The following TLCD4 variants were observed in gnomAD, a reference collection of about 807,000 sequenced individuals.
TLCD4 encodes the protein TLC domain containing 4, also known as TLC domain-containing protein 4.
TLCD4 carries 7 observed loss-of-function variants against 24.2 expected under a neutral mutation model. The observed-to-expected ratio is 0.29, with a 90% confidence interval of 0.16 to 0.54. The LOEUF is 0.54. Among genes scored for constraint, TLCD4 ranks in the 20% least tolerant of loss-of-function variants. The pLI, the probability that TLCD4 is intolerant of heterozygous loss-of-function variation, is 0.95. For missense variants in TLCD4, 259 were observed against 313.9 expected (o/e 0.82, Z 1.32); for synonymous variants, 103 against 106.4 (o/e 0.97, Z 0.20).
Position 95,187,239 on chromosome 1 carries a change from T to TA in TLCD4, c.474-4309dup, listed in dbSNP as rs553210137. Among the ~76,000 whole-genome samples, 41 of 152,358 alleles carry TA rather than the reference T, an allele frequency of 2.7e-4. No homozygotes were observed. The South Asian group carries it at 2.9e-3, about 11-fold the overall frequency. On this transcript the variant is annotated intron_variant, in intron 6 of 6. Coordinates refer to ENST00000370203, the MANE Select transcript of TLCD4 (RefSeq NM_152487.3). ...GTCATAGATCAGTGGGTGCAGTTGTTAACAATTAGCGAGCCAGTGTTAATA... is the reference window on the plus strand; with the variant it reads ...GTCATAGATCAGTGGGTGCAGTTGTTAAACAATTAGCGAGCCAGTGTTAATA...
At chr1:95,132,456 C>CAAAAAA (rs34887671) in intron 1 of TLCD4, among the ~76,000 whole-genome samples, 3 of 72,474 alleles carry the variant, frequency 4.1e-5, no homozygotes, top group Non-Finnish European at 5.5e-5. Flanking sequence ...GACTCCAACT[C>CAAAAAA]AAAAAAAAAA....
chr1:95,101,062 T>C, the TLCD4 span, among the ~76,000 whole-genome samples: 2 of 151,848 alleles, frequency 1.3e-5, no homozygotes, highest in African/African-American at 4.8e-5. Flanking sequence ...CGCCCGCCAA[T>C]GTGCCCGGCT....
intron 5 of TLCD4, among the ~76,000 whole-genome samples, chr1:95,158,647 G>C (rs1268885923): frequency 1.3e-5 from 2 of 150,990 alleles, no homozygotes; most frequent in Non-Finnish European, 3.0e-5. Context: ...TCCTAATGCT[G>C]TCCGTCCCCC....
intron 6 of TLCD4, among the ~76,000 whole-genome samples, chr1:95,178,705 C>T (rs370664239): frequency 2.0e-5 from 3 of 151,026 alleles, no homozygotes; most frequent in East Asian, 2.0e-4. Context: ...GTTTTGGAAT[C>T]GGATAAACTC....
In TLCD4 at chr1:95,178,074, C is replaced by T. The variant is rs552823063; in HGVS notation, c.473+4185C>T. 5.3e-5 allele frequency among the ~76,000 whole-genome samples: 8 copies of T among 151,710 alleles called. No individual in the cohort carries two copies. The East Asian group carries it at 1.5e-3, about 29-fold the overall frequency. ...CAGGCAATTCTCCTGCCTCAGCTTC[C>T]CGAGTAGCTGGGACTTCAGGCGCAT... On this transcript the variant is annotated intron_variant, in intron 6 of 6. Coordinates refer to ENST00000370203, the MANE Select transcript of TLCD4 (RefSeq NM_152487.3).
chr1:95,134,938 TTCTG>T lies in TLCD4; in HGVS notation c.-11-8949_-11-8946del, dbSNP rs1236397472. ...CATGCCAGGCTAGTACTGTTGATAT[TTCTG>T]TCTTACAGATGAGGAAACTGAGGTT... On this transcript the variant is annotated intron_variant, in intron 1 of 6. Transcript: ENST00000370203. Among the ~76,000 whole-genome samples the T allele has an allele frequency of 3.3e-5, 5 of 152,164 alleles. No homozygotes were observed. In the South Asian group the frequency reaches 6.2e-4, roughly 19 times the overall value.
Position 95,151,414 on chromosome 1 carries a change from G to A in TLCD4, c.394G>A (p.Val132Ile), listed in dbSNP as rs770833359. The change falls in exon 5 of 7, where the codon GTA becomes ATA. Residue 132 changes from valine to isoleucine, a missense_variant. Val to Ile is a conservative substitution (Grantham distance 29). Transcript: ENST00000370203. ...TGCGTCCCTGTATGCATACTACCTTGTACTGGTGAGTTCCAGGATTTTCTG... is the reference window on the plus strand; with the variant it reads ...TGCGTCCCTGTATGCATACTACCTTATACTGGTGAGTTCCAGGATTTTCTG... ...HCASLYAYYL[V>I]LKNGVLAYIG... is the part of the protein sequence containing the mutation. 1 of 1,612,372 alleles carries A rather than the reference G, an allele frequency of 6.2e-7. No homozygotes were observed. Among genetic ancestry groups the A allele is most frequent in the South Asian group, 1.1e-5 (1 of 90,886 alleles).
chr1:95,135,528 G>A (rs1171970741), intron 1 of TLCD4, among the ~76,000 whole-genome samples: 1 of 151,364 alleles, frequency 6.6e-6, no homozygotes, highest in Non-Finnish European at 1.5e-5. Flanking sequence ...CCCTCAAGTA[G>A]CTGGGACAAC....
chr1:95,169,063 G>A (rs1678121517), intron 5 of TLCD4, among the ~76,000 whole-genome samples: 1 of 152,214 alleles, frequency 6.6e-6, no homozygotes, highest in South Asian at 2.1e-4. Flanking sequence ...GAGAAGTAGG[G>A]AGCTAGCTCC....
At chr1:95,099,859 C>T in the TLCD4 span, among the ~76,000 whole-genome samples, 3 of 151,570 alleles carry the variant, frequency 2.0e-5, no homozygotes, top group African/African-American at 4.9e-5. Context: ...TGGTCAGGTA[C>T]GGTGGCTCAC....
At chr1:95,177,388 C>T (rs575176587) in intron 6 of TLCD4, among the ~76,000 whole-genome samples, 26 of 152,182 alleles carry the variant, frequency 1.7e-4, no homozygotes, top group African/African-American at 6.3e-4. Context: ...GAGTATTCCA[C>T]ATCAGAGACA....
chr1:95,173,945 G>T, intron 6 of TLCD4, 56 bp downstream of exon 6: 1 of 1,606,876 alleles, frequency 6.2e-7, no homozygotes, highest in South Asian at 1.1e-5. Context: ...TTTTAGTTTG[G>T]GCAAATCCTT....
chr1:95,169,698 A>C (rs998673550), intron 5 of TLCD4, among the ~76,000 whole-genome samples: 3 of 152,132 alleles, frequency 2.0e-5, no homozygotes, highest in Admixed American at 6.5e-5. Context: ...TTTTTAAAGA[A>C]ACGGTTTTGC....
the TLCD4 span, among the ~76,000 whole-genome samples, chr1:95,098,450 G>A: frequency 1.3e-5 from 2 of 152,038 alleles, no homozygotes; most frequent in African/African-American, 2.4e-5. Flanking sequence ...TTCCATAAAC[G>A]CATATTGAGT....
chr1:95,104,663 C>CAAAA, the TLCD4 span, among the ~76,000 whole-genome samples: 4 of 40,616 alleles, frequency 9.8e-5, no homozygotes, highest in Non-Finnish European at 1.6e-4. Context: ...GACTCCGTCT[C>CAAAA]AAAAAAAAAA....
At chr1:95,108,149 A>G in the TLCD4 span, among the ~76,000 whole-genome samples, 12 of 151,990 alleles carry the variant, frequency 7.9e-5, no homozygotes, top group Admixed American at 6.6e-4. Context: ...AGCTTCTTAT[A>G]TATTTATCTG....
At chr1:95,172,659 C>T (rs555938413) in intron 5 of TLCD4, among the ~76,000 whole-genome samples, 1 of 152,216 alleles carries the variant, frequency 6.6e-6, no homozygotes, top group Admixed American at 6.5e-5. Context: ...TTCTTATAAT[C>T]TAGCTTAGAA....
intron 1 of TLCD4, among the ~76,000 whole-genome samples, chr1:95,141,833 A>G (rs1677205920): frequency 6.7e-6 from 1 of 149,778 alleles, no homozygotes; most frequent in Non-Finnish European, 1.5e-5. Context: ...ACACACACAC[A>G]AAGAATGAGG....
At chr1:95,156,355 G>A (rs1247902399) in intron 5 of TLCD4, among the ~76,000 whole-genome samples, 1 of 151,764 alleles carries the variant, frequency 6.6e-6, no homozygotes, top group Non-Finnish European at 1.5e-5. Context: ...GAGGACTTGG[G>A]GTGTCAGGGT....
Sources: gnomAD v4.1 joint callset for allele counts (sites outside exome capture counted in the v4.1 genomes callset) on GRCh38, gnomAD v4.1.1 for gene constraint, MANE v1.5 for transcripts, NCBI Gene and HGNC (gene_info 2026-07-23, HGNC 2026-07-21) for gene names.